PACRG: variants seen among roughly 807,000 people sequenced by gnomAD.
PACRG encodes the protein parkin coregulated, also known as parkin coregulated gene protein.
In PACRG, 29 loss-of-function variants were observed where a neutral mutation model predicts 29.7. That is an observed-to-expected ratio of 0.98 (90% CI 0.73 to 1.33). The LOEUF is 1.33. Ranked by LOEUF, PACRG falls within the 40% of genes most tolerant of loss-of-function variation. The pLI is 0.00. For synonymous variants in PACRG, 116 were observed against 118.7 expected (o/e 0.98, Z 0.15); for missense variants, 279 against 316.2 (o/e 0.88, Z 0.89).
intron 4 of PACRG, among the ~76,000 whole-genome samples, chr6:163,230,999 CCACAATCTTCAGG>C (rs1211619845): frequency 2.6e-5 from 4 of 152,192 alleles, no homozygotes; most frequent in African/African-American, 9.7e-5. Context: ...GTCAAGGGTG[CCACAATCTTCAGG>C]CACAACTAAG....
intron 4 of PACRG, among the ~76,000 whole-genome samples, chr6:163,246,112 TC>T (rs1226610161): frequency 1.3e-5 from 2 of 152,330 alleles, no homozygotes; most frequent in Admixed American, 6.5e-5. Flanking sequence ...TGAGATTTTG[TC>T]ACTCCCTTGC....
chr6:163,297,552 C>A (rs533084293), intron 4 of PACRG, among the ~76,000 whole-genome samples: 6 of 152,246 alleles, frequency 3.9e-5, no homozygotes, highest in African/African-American at 1.4e-4. Flanking sequence ...AGCTCAAGAG[C>A]ATCCCAGCCC....
chr6:163,216,078 T>A (rs1781349698), intron 4 of PACRG, among the ~76,000 whole-genome samples: 2 of 152,202 alleles, frequency 1.3e-5, no homozygotes, highest in Admixed American at 1.3e-4. Flanking sequence ...CATTTTTCAA[T>A]TGAACACATG....
At chr6:163,048,539 C>T (rs1809648490) in intron 2 of PACRG, among the ~76,000 whole-genome samples, 1 of 152,064 alleles carries the variant, frequency 6.6e-6, no homozygotes, top group South Asian at 2.1e-4. Flanking sequence ...TTATGTCGGC[C>T]TCGGTGAGAT....
chr6:163,297,906 C>T lies in PACRG; in HGVS notation c.614-16921C>T, dbSNP rs1048849707. 9.2e-5 allele frequency among the ~76,000 whole-genome samples: 14 copies of T among 152,258 alleles called. No individual in the cohort carries two copies. In the East Asian group the frequency reaches 1.2e-3, roughly 13 times the overall value. On this transcript the variant is annotated intron_variant, in intron 4 of 4. Transcript: ENST00000366888. ...TGTCCCTCCTTCTGTATATGACCAT[C>T]AATTCAGCTTCTCACAATGATGGAC...
chr6:162,738,343 T>C (rs575304091), intron 1 of PACRG, among the ~76,000 whole-genome samples: 6 of 152,338 alleles, frequency 3.9e-5, no homozygotes, highest in African/African-American at 1.4e-4. Context: ...TCAGGTCATA[T>C]TCAGTTCATT....
At chr6:162,834,287 A>G (rs996666929) in intron 2 of PACRG, among the ~76,000 whole-genome samples, 1 of 152,184 alleles carries the variant, frequency 6.6e-6, no homozygotes, top group Admixed American at 6.6e-5. Context: ...CATATGAAAT[A>G]CATATAATTT....
intron 4 of PACRG, among the ~76,000 whole-genome samples, chr6:163,290,350 G>A (rs1000202696): frequency 2.0e-5 from 3 of 151,258 alleles, no homozygotes; most frequent in African/African-American, 7.3e-5. Context: ...CCATCTTAAT[G>A]GGGATTGGGT....
intron 2 of PACRG, among the ~76,000 whole-genome samples, chr6:162,949,037 A>G (rs1415469233): frequency 3.9e-5 from 6 of 152,190 alleles, no homozygotes. Flanking sequence ...AGTATATCAA[A>G]AAGATATCTG....
rs545223236 is a variant in PACRG at position 163,233,009 on chromosome 6, A to C, written c.614-81818A>C. 1.6e-4 allele frequency among the ~76,000 whole-genome samples: 25 copies of C among 152,344 alleles called. No individual in the cohort carries two copies. In the South Asian group the frequency reaches 3.7e-3, roughly 23 times the overall value. ...ACAGCTGGAGTGGCCCTGCCAGTGT[A>C]GCAAAGGGCATCTCTGGGGAGGAGA... is the stretch of plus-strand genomic sequence containing the variant. On this transcript the variant is annotated intron_variant, in intron 4 of 4. Transcript: ENST00000366888.
intron 2 of PACRG, among the ~76,000 whole-genome samples, chr6:162,958,028 AG>A (rs1800199546): frequency 6.6e-6 from 1 of 152,206 alleles, no homozygotes; most frequent in South Asian, 2.1e-4. Flanking sequence ...TGCTTTAGTG[AG>A]AAGGGAAAGC....
intron 3 of PACRG, among the ~76,000 whole-genome samples, chr6:163,080,793 T>G (rs1238488181): frequency 6.6e-6 from 1 of 152,232 alleles, no homozygotes; most frequent in East Asian, 1.9e-4. Flanking sequence ...AATCTGAGTT[T>G]TGCATAAAGA....
chr6:162,780,724 A>G (rs1198455025), intron 1 of PACRG, among the ~76,000 whole-genome samples: 1 of 152,142 alleles, frequency 6.6e-6, no homozygotes, highest in African/African-American at 2.4e-5. Flanking sequence ...GATCCAAATC[A>G]ATTTTTAGAG....
At chr6:163,140,287 T>C (rs1209203236) in intron 4 of PACRG, among the ~76,000 whole-genome samples, 2 of 152,138 alleles carry the variant, frequency 1.3e-5, no homozygotes, top group Non-Finnish European at 2.9e-5. Flanking sequence ...TGAGGGGGCC[T>C]GAAGCCTCAG....
chr6:162,980,719 G>C (rs1031174500), intron 2 of PACRG, among the ~76,000 whole-genome samples: 9 of 152,064 alleles, frequency 5.9e-5, no homozygotes, highest in African/African-American at 2.2e-4. Context: ...TCACTTATGT[G>C]GAAGATATTT....
chr6:163,268,235 C>G (rs1170929456), intron 4 of PACRG, among the ~76,000 whole-genome samples: 3 of 151,914 alleles, frequency 2.0e-5, no homozygotes, highest in Non-Finnish European at 4.4e-5. Flanking sequence ...CCCATCTCTA[C>G]TAAAAATACA....
At chr6:162,864,525 G>A (rs992196327) in intron 2 of PACRG, among the ~76,000 whole-genome samples, 2 of 152,144 alleles carry the variant, frequency 1.3e-5, no homozygotes, top group African/African-American at 2.4e-5. Flanking sequence ...CTTCCTGCCT[G>A]TCTACCTACT....
intron 4 of PACRG, among the ~76,000 whole-genome samples, chr6:163,092,927 G>C (rs2128305210): frequency 6.6e-6 from 1 of 152,326 alleles, no homozygotes; most frequent in South Asian, 2.1e-4. Context: ...CTCGTTGGGT[G>C]ACCTGTCGCT....
intron 4 of PACRG, among the ~76,000 whole-genome samples, chr6:163,229,318 C>T (rs997562955): frequency 6.6e-6 from 1 of 151,644 alleles, no homozygotes; most frequent in African/African-American, 2.4e-5. Flanking sequence ...CACAGCACTC[C>T]AGCCTGGGTG....
Sources: gnomAD v4.1 joint callset for allele counts (sites outside exome capture counted in the v4.1 genomes callset) on GRCh38, gnomAD v4.1.1 for gene constraint, MANE v1.5 for transcripts, NCBI Gene and HGNC (gene_info 2026-07-23, HGNC 2026-07-21) for gene names.